CA8: variants seen among roughly 807,000 people sequenced by gnomAD.
CA8 encodes the protein carbonic anhydrase 8 (inactive).
A neutral mutation model predicts 41.4 loss-of-function variants in CA8; 22 were observed. The observed-to-expected ratio is 0.53, with a 90% CI of 0.38 to 0.76. CA8 has a LOEUF of 0.76. CA8 is among the 30% of genes least tolerant of loss of function. The pLI is 0.00. For synonymous variants in CA8, 121 were observed against 130.6 expected (o/e 0.93, Z 0.50); for missense variants, 270 against 352.8 (o/e 0.77, Z 1.88).
rs1010026475 is a variant in CA8, at chr8:60,281,366, G to C, written c.-219C>G. The C allele has an allele frequency of 1.4e-5, 8 of 568,626 alleles. No individual in the cohort carries two copies. Among genetic ancestry groups the C allele is most frequent in the Non-Finnish European group, 2.5e-5 (8 of 318,868 alleles). 35.2% of individuals were successfully genotyped at this position (568,626 alleles called of 1,614,324 possible). ...GAGACCCGCGTGGGAAGCGCGTCCGGAGGCCCCAGCAGAGCGAGGGAGCGG... is the reference window on the plus strand; with the variant it reads ...GAGACCCGCGTGGGAAGCGCGTCCGCAGGCCCCAGCAGAGCGAGGGAGCGG... On this transcript the variant is annotated 5_prime_UTR_variant, in exon 1 of 9. Transcript: ENST00000317995.
chr8:60,198,160 G>T (rs1223795162), intron 8 of CA8, among the ~76,000 whole-genome samples: 1 of 152,156 alleles, frequency 6.6e-6, no homozygotes, highest in Non-Finnish European at 1.5e-5. Context: ...GCCCACTTAG[G>T]TCTGAATTCT....
In CA8 at chr8:60,275,251, G is replaced by T. The variant is rs1563386300; in HGVS notation, c.292+4438C>A. ...CCCTGCCCAGGTGCACAGAGCTTCT[G>T]ATCTGCTTCCTAGACTCATTCTTAA... is the stretch of plus-strand genomic sequence containing the variant. On this transcript the variant is annotated intron_variant, in intron 2 of 8. Coordinates refer to ENST00000317995, the MANE Select transcript of CA8 (RefSeq NM_004056.6). 5.9e-5 allele frequency among the ~76,000 whole-genome samples: 9 copies of T among 152,300 alleles called. No homozygotes were observed. The South Asian group carries it at 1.9e-3, about 32-fold the overall frequency.
intron 7 of CA8, among the ~76,000 whole-genome samples, chr8:60,215,609 A>T (rs755967248): frequency 6.6e-6 from 1 of 152,190 alleles, no homozygotes; most frequent in African/African-American, 2.4e-5. Flanking sequence ...GGTAATTTTT[A>T]AAAAAGAAAT....
At chr8:60,259,482 A>C (rs906925718) in intron 3 of CA8, among the ~76,000 whole-genome samples, 3 of 152,242 alleles carry the variant, frequency 2.0e-5, no homozygotes, top group Admixed American at 2.0e-4. Flanking sequence ...TAAAAGAAAT[A>C]CTAACAAATA....
At chr8:60,245,250 A>G (rs7009181) in intron 3 of CA8, among the ~76,000 whole-genome samples, 48,145 of 151,718 alleles carry the variant, frequency 0.32, 7,728 homozygotes, top group African/African-American at 0.34. Context: ...ATATATACAT[A>G]AAGGCACATG....
At chr8:60,190,957 T>TATATATACAC (rs1554573722) in intron 8 of CA8, among the ~76,000 whole-genome samples, 5 of 104,192 alleles carry the variant, frequency 4.8e-5, no homozygotes, top group African/African-American at 1.4e-4. Context: ...TATATATATA[T>TATATATACAC]ACACACACAC....
chr8:60,196,536 G>A (rs562008192), intron 8 of CA8, among the ~76,000 whole-genome samples: 1 of 152,072 alleles, frequency 6.6e-6, no homozygotes, highest in Non-Finnish European at 1.5e-5. Context: ...ATTATAAAAT[G>A]CATGACAGAC....
chr8:60,227,362 C>T (rs1314090932), intron 4 of CA8, among the ~76,000 whole-genome samples: 1 of 151,662 alleles, frequency 6.6e-6, no homozygotes, highest in Non-Finnish European at 1.5e-5. Flanking sequence ...AATTAAATGG[C>T]CTTTTATTAA....
At chr8:60,270,485 G>A (rs1178515475) in intron 2 of CA8, among the ~76,000 whole-genome samples, 6 of 151,538 alleles carry the variant, frequency 4.0e-5, no homozygotes, top group Admixed American at 2.0e-4. Flanking sequence ...GTGTGATCTC[G>A]GCTCACTGCA....
At position 60,186,667 on chromosome 8, in the gene CA8, A is replaced by G. The variant is rs1805973604; in HGVS notation, c.*3354T>C. ...AGATCCAACTATAAGTTGGAGACAC[A>G]CTTTAGATTCAAAAATATAAATAAG... On this transcript the variant is annotated 3_prime_UTR_variant, in exon 9 of 9. Coordinates refer to ENST00000317995, the MANE Select transcript of CA8 (RefSeq NM_004056.6). Among the ~76,000 whole-genome samples, 1 of 151,976 alleles carries G rather than the reference A, an allele frequency of 6.6e-6. No homozygotes were observed. The highest frequency in any genetic ancestry group is 1.5e-5 in the Non-Finnish European group (1 of 67,896).
intron 3 of CA8, among the ~76,000 whole-genome samples, chr8:60,257,263 C>T (rs1585913451): frequency 1.3e-5 from 2 of 152,266 alleles, no homozygotes; most frequent in East Asian, 3.9e-4. Flanking sequence ...AAAGCGTGAG[C>T]CACTGGCGCC....
chr8:60,275,354 A>C (rs941364316), intron 2 of CA8, among the ~76,000 whole-genome samples: 2 of 152,196 alleles, frequency 1.3e-5, no homozygotes, highest in Non-Finnish European at 2.9e-5. Context: ...ATATAAATAG[A>C]AAAAGAAACC....
rs981477253 is a variant in CA8, at chr8:60,201,853, G to A, written c.*35+6897C>T. 2.0e-5 allele frequency among the ~76,000 whole-genome samples: 3 copies of A among 152,122 alleles called. No individual in the cohort carries two copies. The East Asian group carries it at 5.8e-4, about 29-fold the overall frequency. On this transcript the variant is annotated intron_variant, in intron 8 of 8. Transcript: ENST00000317995. ...ACCTAGAAGTTTTAAATTTCGTGTT[G>A]TACTTTAATGCAACTATAATCATCT...
intron 3 of CA8, among the ~76,000 whole-genome samples, chr8:60,255,317 C>T (rs564506165): frequency 7.0e-6 from 1 of 142,288 alleles, no homozygotes; most frequent in Non-Finnish European, 1.5e-5. Flanking sequence ...TAAGCTATGT[C>T]TCCAGTATCG....
At chr8:60,208,464 CT>C in intron 8 of CA8, 2 of 387,766 alleles carry the variant, frequency 5.2e-6, no homozygotes. Context: ...ATGCATGTCA[CT>C]TTTTCTGGGC....
chr8:60,211,178 A>T lies in CA8; in HGVS notation c.739-2259T>A, dbSNP rs528971167. Reference sequence around the variant, plus strand: ...AGTATTCACAAGGATAGCCTAGGAAATAAGAAAGAACATTCATGAAAATCA... The same window carrying T: ...AGTATTCACAAGGATAGCCTAGGAATTAAGAAAGAACATTCATGAAAATCA... On this transcript the variant is annotated intron_variant, in intron 7 of 8. Transcript: ENST00000317995. 5.9e-5 allele frequency among the ~76,000 whole-genome samples: 9 copies of T among 152,340 alleles called. No individual in the cohort carries two copies. The East Asian group carries it at 1.7e-3, about 29-fold the overall frequency.
chr8:60,268,658 T>C (rs888702316), intron 2 of CA8, among the ~76,000 whole-genome samples: 1 of 152,256 alleles, frequency 6.6e-6, no homozygotes, highest in Non-Finnish European at 1.5e-5. Flanking sequence ...GATATTGTTT[T>C]GATCATCTAC....
chr8:60,243,061 A>G (rs1433495638), intron 3 of CA8, among the ~76,000 whole-genome samples: 1 of 152,228 alleles, frequency 6.6e-6, no homozygotes, highest in East Asian at 1.9e-4. Flanking sequence ...AAAACTGAAG[A>G]ATTGGGGCCA....
chr8:60,219,164 C>CTTT (rs66853476), intron 7 of CA8, among the ~76,000 whole-genome samples: 20 of 144,092 alleles, frequency 1.4e-4, no homozygotes, highest in South Asian at 4.4e-4. Context: ...GTTATTCTGC[C>CTTT]TTTTTTTTTT....
Sources: gnomAD v4.1 joint callset for allele counts (sites outside exome capture counted in the v4.1 genomes callset) on GRCh38, gnomAD v4.1.1 for gene constraint, MANE v1.5 for transcripts, NCBI Gene and HGNC (gene_info 2026-07-23, HGNC 2026-07-21) for gene names.